CDH13: variants seen among roughly 807,000 people sequenced by gnomAD.
CDH13 encodes cadherin 13, also known as cadherin-13.
A neutral mutation model predicts 63.8 loss-of-function variants in CDH13; 24 were observed. That is an observed-to-expected ratio of 0.38 (90% CI 0.27 to 0.53). The LOEUF (loss-of-function observed/expected upper bound fraction) is 0.53, where lower values mean the gene tolerates loss of function less well. Among genes scored for constraint, CDH13 ranks in the 20% least tolerant of loss-of-function variants. The probability of loss-of-function intolerance (pLI) is 0.85; values close to 1 mark genes in which losing one functional copy is unlikely to be tolerated. For synonymous variants in CDH13, 503 were observed against 355.3 expected (o/e 1.42, Z -4.67); for missense variants, 1,049 against 903.1 (o/e 1.16, Z -2.07).
At chr16:83,413,023 T>C (rs2092150276) in intron 6 of CDH13, among the ~76,000 whole-genome samples, 1 of 152,230 alleles carries the variant, frequency 6.6e-6, no homozygotes, top group African/African-American at 2.4e-5. Flanking sequence ...TATATTGACA[T>C]TTTATTCCAC....
chr16:82,721,992 T>A (rs930220232), intron 1 of CDH13, among the ~76,000 whole-genome samples: 9 of 152,160 alleles, frequency 5.9e-5, no homozygotes, highest in Non-Finnish European at 1.0e-4. Flanking sequence ...CCTCTCTCAC[T>A]GACCCATAGT....
At chr16:83,309,091 C>T (rs1040606649) in intron 5 of CDH13, among the ~76,000 whole-genome samples, 9 of 152,242 alleles carry the variant, frequency 5.9e-5, no homozygotes, top group East Asian at 5.8e-4. Flanking sequence ...CCCTCCATAT[C>T]GTAACTCTGT....
At chr16:83,106,620 C>T (rs1194807775) in intron 3 of CDH13, among the ~76,000 whole-genome samples, 1 of 152,150 alleles carries the variant, frequency 6.6e-6, no homozygotes, top group Non-Finnish European at 1.5e-5. Flanking sequence ...GATACATCCA[C>T]AAGATGTATT....
intron 2 of CDH13, among the ~76,000 whole-genome samples, chr16:82,975,723 A>G (rs1418863213): frequency 2.0e-5 from 3 of 152,186 alleles, no homozygotes; most frequent in Non-Finnish European, 4.4e-5. Flanking sequence ...TTGCTCTTCT[A>G]TCTGGAGAAT....
intron 9 of CDH13, among the ~76,000 whole-genome samples, chr16:83,674,505 G>A (rs376328062): frequency 2.0e-4 from 30 of 152,298 alleles, no homozygotes; most frequent in Admixed American, 8.5e-4. Flanking sequence ...AATGACATAC[G>A]TTCTTCCTTA....
At chr16:82,744,233 C>G (rs183898658) in intron 1 of CDH13, among the ~76,000 whole-genome samples, 1 of 152,314 alleles carries the variant, frequency 6.6e-6, no homozygotes, top group East Asian at 1.9e-4. Context: ...ATAACAAAGT[C>G]CAAAGCGAAG....
intron 4 of CDH13, among the ~76,000 whole-genome samples, chr16:83,159,575 A>G (rs1052049625): frequency 2.0e-5 from 3 of 152,214 alleles, no homozygotes; most frequent in African/African-American, 7.2e-5. Context: ...TTTTGAGCAC[A>G]TGTTAACATA....
At chr16:83,008,984 C>G (rs1913838561) in intron 2 of CDH13, among the ~76,000 whole-genome samples, 1 of 152,050 alleles carries the variant, frequency 6.6e-6, no homozygotes, top group Admixed American at 6.6e-5. Flanking sequence ...AGCGGGAAGC[C>G]CCTTATAAAA....
chr16:83,791,216 A>T (rs1916241651), intron 13 of CDH13, among the ~76,000 whole-genome samples: 1 of 152,110 alleles, frequency 6.6e-6, no homozygotes. Context: ...TAAAATGTGG[A>T]CCAGGCACGG....
chr16:83,726,295 G>A (rs1484939868), intron 10 of CDH13: 1 of 152,170 alleles, frequency 6.6e-6, no homozygotes, highest in Non-Finnish European at 1.5e-5. Context: ...ATGTGCTGCA[G>A]GTCACAGGCC....
chr16:83,032,458 C>T (rs759552382), intron 3 of CDH13: 6 of 508,778 alleles, frequency 1.2e-5, no homozygotes, highest in Admixed American at 3.3e-5. Flanking sequence ...AGGGATACTT[C>T]TGCCTTCAGG....
chr16:83,417,299 C>G (rs1006545250), intron 6 of CDH13, among the ~76,000 whole-genome samples: 3 of 152,184 alleles, frequency 2.0e-5, no homozygotes, highest in African/African-American at 7.2e-5. Flanking sequence ...GCCTCCCTTT[C>G]CGGTTTTCTC....
intron 8 of CDH13, among the ~76,000 whole-genome samples, chr16:83,626,884 G>T (rs1232492911): frequency 6.6e-6 from 1 of 152,124 alleles, no homozygotes; most frequent in African/African-American, 2.4e-5. Flanking sequence ...CGCTGCGCCT[G>T]TGCTGTCTGG....
At chr16:83,712,649 A>G (rs1021899399) in intron 10 of CDH13, among the ~76,000 whole-genome samples, 1 of 152,176 alleles carries the variant, frequency 6.6e-6, no homozygotes, top group Non-Finnish European at 1.5e-5. Context: ...GCAACATTTT[A>G]TATTTTACTT....
At chr16:83,318,557 T>A (rs2090154099) in intron 5 of CDH13, among the ~76,000 whole-genome samples, 1 of 152,220 alleles carries the variant, frequency 6.6e-6, no homozygotes, top group Non-Finnish European at 1.5e-5. Flanking sequence ...TTCATTCTGT[T>A]ACTCAAAATT....
At chr16:83,482,670 G>A (rs995561822) in intron 6 of CDH13, among the ~76,000 whole-genome samples, 2 of 152,230 alleles carry the variant, frequency 1.3e-5, no homozygotes, top group African/African-American at 4.8e-5. Context: ...CAGCAGATAG[G>A]TTGGGGTTCA....
At chr16:83,051,197 T>A (rs1382254245) in intron 3 of CDH13, among the ~76,000 whole-genome samples, 1 of 152,138 alleles carries the variant, frequency 6.6e-6, no homozygotes, top group Admixed American at 6.5e-5. Flanking sequence ...ACGAAATGAG[T>A]CCCAACCTGC....
intron 5 of CDH13, among the ~76,000 whole-genome samples, chr16:83,293,286 GC>G (rs1267231374): frequency 1.3e-5 from 2 of 152,160 alleles, no homozygotes; most frequent in Admixed American, 1.3e-4. Context: ...ATTTATTGAA[GC>G]TTATTACGTT....
At chr16:83,634,582 G>T (rs1479640743) in intron 8 of CDH13, among the ~76,000 whole-genome samples, 4 of 151,926 alleles carry the variant, frequency 2.6e-5, no homozygotes, top group African/African-American at 9.7e-5. Flanking sequence ...TGTATTTTTA[G>T]TAGAGACAGG....
Sources: gnomAD v4.1 joint callset for allele counts (sites outside exome capture counted in the v4.1 genomes callset) on GRCh38, gnomAD v4.1.1 for gene constraint, MANE v1.5 for transcripts, NCBI Gene and HGNC (gene_info 2026-07-23, HGNC 2026-07-21) for gene names.